TOM1L2: variants seen among roughly 807,000 people sequenced by gnomAD.
The protein encoded by TOM1L2 is TOM1-like protein 2.
In TOM1L2, 31 loss-of-function variants were observed where a neutral mutation model predicts 67.9. The observed-to-expected ratio is 0.46, with a 90% CI of 0.34 to 0.62. The LOEUF is 0.62. TOM1L2 is among the 20% of genes least tolerant of loss of function. TOM1L2 has a pLI of 0.01. For missense variants in TOM1L2, 606 were observed against 663.5 expected, an observed-to-expected ratio of 0.91 and a Z score of 0.95; for synonymous variants, 256 against 254.0, an observed-to-expected ratio of 1.01 and a Z score of -0.07.
intron 6 of TOM1L2, among the ~76,000 whole-genome samples, chr17:17,880,580 A>G (rs888310065): frequency 1.3e-5 from 2 of 152,204 alleles, no homozygotes; most frequent in Non-Finnish European, 2.9e-5. Flanking sequence ...AGAGGTGGCT[A>G]CTGGTCCCAT....
intron 1 of TOM1L2, among the ~76,000 whole-genome samples, chr17:17,920,252 A>G (rs2144595914): frequency 6.6e-6 from 1 of 151,838 alleles, no homozygotes; most frequent in South Asian, 2.1e-4. Context: ...TTTATTTTGG[A>G]ATAATTTTAT....
At chr17:17,870,988 G>A (rs1012515265) in intron 7 of TOM1L2, among the ~76,000 whole-genome samples, 1 of 152,220 alleles carries the variant, frequency 6.6e-6, no homozygotes. Flanking sequence ...AGCTCCTTGA[G>A]GGCAGAGAAG....
chr17:17,861,230 C>T (rs781144572), intron 12 of TOM1L2, among the ~76,000 whole-genome samples: 4 of 152,210 alleles, frequency 2.6e-5, no homozygotes, highest in South Asian at 2.1e-4. Flanking sequence ...TGTCTCCCAC[C>T]TGCCTGGGAC....
chr17:17,913,028 A>T (rs953885693), intron 1 of TOM1L2, among the ~76,000 whole-genome samples: 11 of 152,176 alleles, frequency 7.2e-5, no homozygotes, highest in African/African-American at 2.7e-4. Context: ...CACCAAAAAA[A>T]ATACGAAAAC....
intron 6 of TOM1L2, among the ~76,000 whole-genome samples, chr17:17,880,307 A>AAGAC (rs1300579971): frequency 1.3e-5 from 2 of 152,138 alleles, no homozygotes; most frequent in Non-Finnish European, 2.9e-5. Context: ...ACGACAGGGG[A>AAGAC]GACACCTTCC....
chr17:17,972,093 A>G (rs59304093), intron 1 of TOM1L2, among the ~76,000 whole-genome samples, 169 bp downstream of exon 1: 71,052 of 149,374 alleles, frequency 0.48, 18,265 homozygotes, highest in East Asian at 0.91. Context: ...AGCGCCCGGC[A>G]AAGGCCCGAC....
At chr17:17,877,428 TGA>T in intron 7 of TOM1L2, among the ~76,000 whole-genome samples, 1 of 152,256 alleles carries the variant, frequency 6.6e-6, no homozygotes, top group Admixed American at 6.5e-5. Context: ...CCCTCCAGCT[TGA>T]TGGAGGGTCC....
At chr17:17,913,124 C>A (rs1049284423) in intron 1 of TOM1L2, among the ~76,000 whole-genome samples, 1 of 151,388 alleles carries the variant, frequency 6.6e-6, no homozygotes, top group Non-Finnish European at 1.5e-5. Flanking sequence ...TGCAGTGAGC[C>A]GAGATGGCAG....
chr17:17,870,332 C>T (rs2037085699), intron 7 of TOM1L2, among the ~76,000 whole-genome samples: 1 of 152,168 alleles, frequency 6.6e-6, no homozygotes, highest in Non-Finnish European at 1.5e-5. Flanking sequence ...GAACAGCAGA[C>T]TTACTGATGC....
chr17:17,880,709 C>T (rs985646100), intron 6 of TOM1L2, among the ~76,000 whole-genome samples: 1 of 152,198 alleles, frequency 6.6e-6, no homozygotes, highest in Non-Finnish European at 1.5e-5. Flanking sequence ...CCTCTCTGAG[C>T]CTTCGTTTCC....
At position 17,940,316 on chromosome 17, in the gene TOM1L2, C is replaced by G. The variant is rs537322660; in HGVS notation, c.52+31946G>C. ...GTGGCTGGCATATAGCAAGAGTAATCAATAATTGGTAGCTTTATACAACCC... is the reference window on the plus strand; with the variant it reads ...GTGGCTGGCATATAGCAAGAGTAATGAATAATTGGTAGCTTTATACAACCC... On this transcript the variant is annotated intron_variant, in intron 1 of 14. Transcript: ENST00000379504. Among the ~76,000 whole-genome samples the G allele has an allele frequency of 4.2e-4, 63 of 149,358 alleles. 1 individual carries two copies. In the South Asian group the frequency reaches 0.013, roughly 31 times the overall value.
At chr17:17,933,987 G>C (rs2040426105) in intron 1 of TOM1L2, among the ~76,000 whole-genome samples, 1 of 152,130 alleles carries the variant, frequency 6.6e-6, no homozygotes, top group African/African-American at 2.4e-5. Flanking sequence ...TGCCTGGAAA[G>C]GCTTGCCCCT....
At chr17:17,921,443 G>A (rs56153053) in intron 1 of TOM1L2, among the ~76,000 whole-genome samples, 3,694 of 152,228 alleles carry the variant, frequency 0.024, 135 homozygotes, top group African/African-American at 0.073. Flanking sequence ...GATGTATGCC[G>A]TTCTTTGTAC....
chr17:17,962,776 T>G (rs1010582849), intron 1 of TOM1L2, among the ~76,000 whole-genome samples: 2 of 151,962 alleles, frequency 1.3e-5, no homozygotes, highest in South Asian at 4.2e-4. Context: ...CTGGCCAACA[T>G]GGTGAAACCC....
At chr17:17,966,088 T>C (rs2041862547) in intron 1 of TOM1L2, among the ~76,000 whole-genome samples, 1 of 152,088 alleles carries the variant, frequency 6.6e-6, no homozygotes, top group East Asian at 1.9e-4. Flanking sequence ...GCCACTGCAC[T>C]CCACCCTGGG....
chr17:17,894,561 C>A (rs1167965512), intron 3 of TOM1L2, among the ~76,000 whole-genome samples: 2 of 152,212 alleles, frequency 1.3e-5, no homozygotes, highest in Non-Finnish European at 2.9e-5. Context: ...TCTTTCTGAG[C>A]CTCAGCATCC....
At chr17:17,849,032 T>C (rs2035814414) in intron 13 of TOM1L2, 173 bp from the exon 14 acceptor site, 3 of 558,344 alleles carry the variant, frequency 5.4e-6, no homozygotes, top group Non-Finnish European at 6.3e-6. Flanking sequence ...CTGCTCTTCT[T>C]ATTGGAGAAA....
intron 12 of TOM1L2, chr17:17,859,492 TAGACACACAC>T (rs1386266622): frequency 1.3e-5 from 2 of 152,258 alleles, no homozygotes; most frequent in African/African-American, 2.4e-5. Flanking sequence ...AGAATATGTG[TAGACACACAC>T]AGACACACAC....
chr17:17,851,210 C>T lies in TOM1L2; in HGVS notation c.1279-258G>A, dbSNP rs572418704. 67 of 514,002 alleles carry T rather than the reference C, an allele frequency of 1.3e-4. 2 individuals carry two copies. Among genetic ancestry groups the T allele is most frequent in the South Asian group, 8.7e-4 (42 of 48,072 alleles). The allele number at this position is 514,002 out of a possible 1,614,324, so 31.8% of individuals were successfully genotyped here. On this transcript the variant is annotated intron_variant, in intron 12 of 14. Transcript: ENST00000379504. ...GCCGGCGGTAAGGAAGGTGGCTGTA[C>T]GCGTTCTTGAAATGGAGAACTTTTT...
Sources: gnomAD v4.1 joint callset for allele counts (sites outside exome capture counted in the v4.1 genomes callset) on GRCh38, gnomAD v4.1.1 for gene constraint, MANE v1.5 for transcripts, NCBI Gene and HGNC (gene_info 2026-07-23, HGNC 2026-07-21) for gene names.